Variants in NMD3 observed in about 807,000 individuals in gnomAD.
NMD3 encodes 60S ribosomal export protein NMD3.
In NMD3, 47 loss-of-function variants were observed where a neutral mutation model predicts 73.1. The ratio of observed to expected loss-of-function variants is 0.64; its 90% confidence interval spans 0.51 to 0.82. NMD3 has a LOEUF of 0.82. Among genes scored for constraint, NMD3 ranks in the 40% least tolerant of loss-of-function variants. NMD3 has a pLI of 0.00. For synonymous variants in NMD3, 210 were observed against 194.5 expected, an observed-to-expected ratio of 1.08 and a Z score of -0.66; for missense variants, 554 against 612.5, an observed-to-expected ratio of 0.90 and a Z score of 1.01.
intron 1 of NMD3, 137 bp from the exon 2 acceptor site, chr3:161,221,857 C>T (rs879937718): frequency 3.8e-5 from 21 of 548,024 alleles, no homozygotes; most frequent in Non-Finnish European, 5.9e-5. Context: ...TCCTTCTTTC[C>T]TGCTTTTTCG....
At chr3:161,224,873 A>T (rs1296964289) in intron 2 of NMD3, 57 bp from the exon 3 acceptor site, 2 of 1,506,032 alleles carry the variant, frequency 1.3e-6, no homozygotes, top group Non-Finnish European at 1.8e-6. Flanking sequence ...CATCTAAAAA[A>T]AAATTTAGTG....
chr3:161,224,840 C>G (rs529292169), intron 2 of NMD3, 90 bp from the exon 3 acceptor site: 1 of 1,311,646 alleles, frequency 7.6e-7, no homozygotes, highest in South Asian at 1.5e-5. Context: ...TGTGGCCTAA[C>G]TTGAAGGCTT....
intron 8 of NMD3, 70 bp from the exon 9 acceptor site, chr3:161,238,660 T>C (rs1399664566): frequency 1.3e-6 from 1 of 771,584 alleles, no homozygotes. Context: ...TTAATGAAAA[T>C]TGATATTCCT....
chr3:161,235,380 G>T (rs1736719823), intron 7 of NMD3, 168 bp downstream of exon 7: 2 of 366,200 alleles, frequency 5.5e-6, no homozygotes, highest in Non-Finnish European at 5.0e-6. Flanking sequence ...GTCCAGTATG[G>T]TATAGTCACT....
intron 3 of NMD3, among the ~76,000 whole-genome samples, chr3:161,225,742 C>A (rs1736286287): frequency 6.6e-6 from 1 of 152,058 alleles, no homozygotes; most frequent in Non-Finnish European, 1.5e-5. Context: ...GAGTGTGTAT[C>A]TCTAGAGGGG....
intron 2 of NMD3, 52 bp downstream of exon 2, chr3:161,222,109 C>T: frequency 6.9e-7 from 1 of 1,456,326 alleles, no homozygotes; most frequent in African/African-American, 1.4e-5. Flanking sequence ...CTTCAGTGAG[C>T]CCGGGAAACT....
intron 10 of NMD3, 85 bp downstream of exon 10, chr3:161,241,248 C>T: frequency 1.2e-6 from 1 of 838,496 alleles, no homozygotes; most frequent in Non-Finnish European, 2.0e-6. Context: ...TTCAAGCATT[C>T]TTGCTAATAT....
In NMD3 at chr3:161,244,024, A is replaced by C. The variant is rs114797022; in HGVS notation, c.1017+1371A>C. ...TTTATTCAGGGTTACAAAATGGTGAATTTTCTATTTCTATTCTACATTTAC... is the reference window on the plus strand; with the variant it reads ...TTTATTCAGGGTTACAAAATGGTGACTTTTCTATTTCTATTCTACATTTAC... On this transcript the variant is annotated intron_variant, in intron 11 of 15. Coordinates refer to ENST00000351193, the MANE Select transcript of NMD3 (RefSeq NM_015938.5). Among the ~76,000 whole-genome samples the C allele has an allele frequency of 6.2e-3, 947 of 152,188 alleles. 17 individuals are homozygous for C. Among genetic ancestry groups the C allele is most frequent in the African/African-American group, 0.022 (906 of 41,508 alleles).
rs149596696 is a variant in NMD3 at position 161,243,151 on chromosome 3, A to G, written c.1017+498A>G. Among the ~76,000 whole-genome samples the G allele has an allele frequency of 5.9e-5, 9 of 152,260 alleles. No individual in the cohort carries two copies. In the East Asian group the frequency reaches 1.5e-3, roughly 26 times the overall value. Reference sequence around the variant, plus strand: ...AGACCCCCAGTGGATTTTTGAAACAACCCACAATAGTACCAAACTCTATGT... The same window carrying G: ...AGACCCCCAGTGGATTTTTGAAACAGCCCACAATAGTACCAAACTCTATGT... On this transcript the variant is annotated intron_variant, in intron 11 of 15. Coordinates refer to ENST00000351193, the MANE Select transcript of NMD3 (RefSeq NM_015938.5).
rs558601865 is a variant in NMD3, at chr3:161,251,213, T to G, written c.*303T>G. On this transcript the variant is annotated 3_prime_UTR_variant, in exon 16 of 16. Coordinates refer to ENST00000351193, the MANE Select transcript of NMD3 (RefSeq NM_015938.5). ...AGTATTTTCACATAGTATAGTACTC[T>G]GGATGTAAAAGCTCAAAAATTGTGA... The G allele has an allele frequency of 3.3e-4, 58 of 175,544 alleles. No individual in the cohort carries two copies. Among genetic ancestry groups the G allele is most frequent in the Admixed American group, 9.3e-4 (15 of 16,064 alleles). 10.9% of individuals were successfully genotyped at this position (175,544 alleles called of 1,614,324 possible). A position where few individuals can be genotyped will look rare whatever the true frequency, so the allele number is the denominator to read the frequency against.
chr3:161,234,705 A>G lies in NMD3; in HGVS notation c.358-22A>G, dbSNP rs551367620. On this transcript the variant is annotated intron_variant, in intron 5 of 15. Transcript: ENST00000351193. ...TTATTAAACAAAACCAAAAGAATGA[A>G]GGAGTGTAATTGTTTTATCAGGTGA... is the stretch of plus-strand genomic sequence containing the variant. The G allele has an allele frequency of 7.6e-6, 12 of 1,576,634 alleles. No homozygotes were observed. In the East Asian group the frequency reaches 2.3e-4, roughly 30 times the overall value.
intron 4 of NMD3, among the ~76,000 whole-genome samples, chr3:161,232,242 T>C (rs4518145): frequency 0.62 from 94,300 of 151,300 alleles, 31,522 homozygotes; most frequent in East Asian, 0.95. Flanking sequence ...CTAGGCTTTG[T>C]TTTAGGGAGG....
At position 161,250,792 on chromosome 3, in the gene NMD3, C is replaced by T; in HGVS notation, c.1394C>T (p.Pro465Leu). 6.2e-7 allele frequency: 1 copy of T among 1,607,578 alleles called. No homozygotes were observed. Among genetic ancestry groups the T allele is most frequent in the Non-Finnish European group, 8.5e-7 (1 of 1,174,936 alleles). The change falls in exon 16 of 16, where the codon CCT (proline) becomes CTT (leucine). Residue 465 changes from proline to leucine, a missense_variant. Transcript: ENST00000351193. ...TGTATTTTTTTAGATTCAGCCATCC[C>T]TGTGGAAAGTGACACCGATGATGAA... ...NVNIYRDSAI[P>L]VESDTDDEGA...
At chr3:161,224,719 T>G (rs1040709450) in intron 2 of NMD3, among the ~76,000 whole-genome samples, 10 of 152,038 alleles carry the variant, frequency 6.6e-5, no homozygotes, top group African/African-American at 2.4e-4. Flanking sequence ...ACTCCTTATC[T>G]CAGGTGATCT....
At chr3:161,243,151 AC>A (rs1314941033) in intron 11 of NMD3, among the ~76,000 whole-genome samples, 1 of 152,142 alleles carries the variant, frequency 6.6e-6, no homozygotes, top group Non-Finnish European at 1.5e-5. Context: ...TTTTGAAACA[AC>A]CCACAATAGT....
At chr3:161,233,508 G>T (rs763093396) in intron 5 of NMD3, 29 bp downstream of exon 5, 4 of 1,389,784 alleles carry the variant, frequency 2.9e-6, no homozygotes, top group East Asian at 4.6e-5. Context: ...TCTCAGCATG[G>T]TTAAAGTGCA....
intron 4 of NMD3, among the ~76,000 whole-genome samples, chr3:161,232,795 T>A (rs1380648431): frequency 1.3e-5 from 2 of 152,184 alleles, no homozygotes; most frequent in African/African-American, 4.8e-5. Flanking sequence ...TACAGCAGCC[T>A]CCATTCTTGT....
At chr3:161,228,832 T>C (rs1178432338) in intron 4 of NMD3, among the ~76,000 whole-genome samples, 4 of 152,142 alleles carry the variant, frequency 2.6e-5, no homozygotes, top group Non-Finnish European at 5.9e-5. Flanking sequence ...GCGATCAAAA[T>C]AGGTGGATAT....
intron 11 of NMD3, among the ~76,000 whole-genome samples, chr3:161,246,075 T>A (rs1320497971): frequency 6.6e-6 from 1 of 152,140 alleles, no homozygotes; most frequent in East Asian, 1.9e-4. Flanking sequence ...TTAGGGACAT[T>A]ATTAATGTTT....
Sources: gnomAD v4.1 joint callset for allele counts (sites outside exome capture counted in the v4.1 genomes callset) on GRCh38, gnomAD v4.1.1 for gene constraint, MANE v1.5 for transcripts, NCBI Gene and HGNC (gene_info 2026-07-23, HGNC 2026-07-21) for gene names.